Variants in PTPRD observed in about 807,000 individuals in gnomAD.
PTPRD encodes receptor-type tyrosine-protein phosphatase delta.
In PTPRD, 34 loss-of-function variants were observed where a neutral mutation model predicts 214.5. That is an observed-to-expected ratio of 0.16 (90% confidence interval 0.12 to 0.21). The LOEUF (loss-of-function observed/expected upper bound fraction) is 0.21, where lower values mean the gene tolerates loss of function less well. Ranked by LOEUF, PTPRD falls within the 10% of genes least tolerant of loss-of-function variation. The pLI is 1.00. For missense variants in PTPRD, 2,545 were observed against 2,398.7 expected, an observed-to-expected ratio of 1.06 and a Z score of -1.27; for synonymous variants, 1,128 against 845.7, an observed-to-expected ratio of 1.33 and a Z score of -5.79.
At chr9:10,090,927 C>A (rs1216393403) in intron 3 of PTPRD, among the ~76,000 whole-genome samples, 1 of 143,206 alleles carries the variant, frequency 7.0e-6, no homozygotes, top group Non-Finnish European at 1.5e-5. Flanking sequence ...TATACACACA[C>A]ACACACACAC....
chr9:9,138,052 T>C (rs886159135), intron 10 of PTPRD, among the ~76,000 whole-genome samples: 7 of 152,162 alleles, frequency 4.6e-5, no homozygotes, highest in Non-Finnish European at 7.4e-5. Flanking sequence ...AGATACTACA[T>C]AGATCTGTCT....
intron 7 of PTPRD, among the ~76,000 whole-genome samples, chr9:9,679,219 CCTCT>C (rs370470852): frequency 1.1e-3 from 160 of 150,018 alleles, no homozygotes; most frequent in African/African-American, 3.3e-3. Context: ...TTTTACTCTT[CCTCT>C]CTCTCTCTCT....
intron 5 of PTPRD, among the ~76,000 whole-genome samples, chr9:9,781,204 C>T (rs533368264): frequency 6.6e-6 from 1 of 152,212 alleles, no homozygotes; most frequent in South Asian, 2.1e-4. Flanking sequence ...AATGCAGCAA[C>T]AGTGGTTCAT....
rs997208347 is a variant in PTPRD at position 10,563,671 on chromosome 9, AT to A, written c.-600+48726del. Among the ~76,000 whole-genome samples, 138 of 107,062 alleles carry A rather than the reference AT, an allele frequency of 1.3e-3. 1 individual carries two copies. The highest frequency in any genetic ancestry group is 5.2e-3 in the African/African-American group (133 of 25,568). 70.2% of individuals were successfully genotyped at this position (107,062 alleles called of 152,430 possible). A position where few individuals can be genotyped will look rare whatever the true frequency, so the allele number is the denominator to read the frequency against. Reference sequence around the variant, plus strand: ...TTGTTGTTTTGTTGTTATCATCGTTATTTTTTTTTATCTTTTAAATTTTGGA... The same window carrying A: ...TTGTTGTTTTGTTGTTATCATCGTTATTTTTTTTATCTTTTAAATTTTGGA... On this transcript the variant is annotated intron_variant, in intron 2 of 45. Transcript: ENST00000381196.
intron 8 of PTPRD, among the ~76,000 whole-genome samples, chr9:9,558,529 C>T (rs1414627825): frequency 6.6e-6 from 1 of 152,094 alleles, no homozygotes; most frequent in African/African-American, 2.4e-5. Flanking sequence ...CAGGCTTGAC[C>T]CATAAGCCTG....
At chr9:9,845,431 C>T (rs1462096105) in intron 5 of PTPRD, among the ~76,000 whole-genome samples, 2 of 151,762 alleles carry the variant, frequency 1.3e-5, no homozygotes, top group East Asian at 1.9e-4. Context: ...ACCTAGTGAT[C>T]TACAGAGGAC....
intron 11 of PTPRD, among the ~76,000 whole-genome samples, chr9:8,946,496 G>T (rs540852958): frequency 6.6e-6 from 1 of 152,130 alleles, no homozygotes; most frequent in Non-Finnish European, 1.5e-5. Flanking sequence ...AGTGATATAT[G>T]AAAATCCCTT....
At chr9:9,913,445 A>G (rs1010703351) in intron 5 of PTPRD, among the ~76,000 whole-genome samples, 3 of 152,198 alleles carry the variant, frequency 2.0e-5, no homozygotes, top group Admixed American at 6.6e-5. Flanking sequence ...GGCTGACTAC[A>G]GATGCCTAGC....
At chr9:9,998,129 A>AAAAAAAAAAAAATATATATATAT (rs57991748) in intron 4 of PTPRD, among the ~76,000 whole-genome samples, 1 of 91,462 alleles carries the variant, frequency 1.1e-5, no homozygotes, top group African/African-American at 5.9e-5. Flanking sequence ...AAAAAAAAAA[A>AAAAAAAAAAAAATATATATATAT]ATATATATAT....
intron 2 of PTPRD, among the ~76,000 whole-genome samples, chr9:10,464,582 G>C (rs141830595): frequency 6.6e-6 from 1 of 151,710 alleles, no homozygotes; most frequent in African/African-American, 2.4e-5. Flanking sequence ...TACAGAATAA[G>C]GTACACCCCT....
rs575281002 is a variant in PTPRD, at chr9:8,750,083, C to T, written c.-103-16137G>A. Among the ~76,000 whole-genome samples, 272 of 150,888 alleles carry T rather than the reference C, an allele frequency of 1.8e-3. 1 individual carries two copies. Among genetic ancestry groups the T allele is most frequent in the African/African-American group, 6.3e-3 (256 of 40,734 alleles). On this transcript the variant is annotated intron_variant, in intron 11 of 45. Transcript: ENST00000381196. Reference sequence around the variant, plus strand: ...CGCCACTGCACTCCAGCCTGGGCAACAGCATGAGACTCTGTCTCAAAAAAA... The same window carrying T: ...CGCCACTGCACTCCAGCCTGGGCAATAGCATGAGACTCTGTCTCAAAAAAA...
intron 3 of PTPRD, among the ~76,000 whole-genome samples, chr9:10,125,603 C>T (rs368734251): frequency 2.0e-5 from 3 of 148,236 alleles, no homozygotes; most frequent in South Asian, 4.4e-4. Context: ...TACAGGCGTG[C>T]GCTACCACGC....
rs2094974175 is a variant in PTPRD, at chr9:10,279,707, A to AT, written c.-545+61255_-545+61256insA. 3.1e-5 allele frequency among the ~76,000 whole-genome samples: 4 copies of AT among 129,172 alleles called. 1 individual carries two copies. The highest frequency in any genetic ancestry group is 1.3e-4 in the African/African-American group (4 of 31,876). 84.7% of individuals were successfully genotyped at this position (129,172 alleles called of 152,430 possible). On this transcript the variant is annotated intron_variant, in intron 3 of 45. Transcript: ENST00000381196. Reference sequence around the variant, plus strand: ...AGCTTATGAGCATACAGTGCAAAACAGAAAAAAAAAAAAAAGCCTTTCCTC... The same window carrying AT: ...AGCTTATGAGCATACAGTGCAAAACATGAAAAAAAAAAAAAAGCCTTTCCTC...
chr9:8,661,698 A>T (rs564744926), intron 12 of PTPRD, among the ~76,000 whole-genome samples: 1 of 152,330 alleles, frequency 6.6e-6, no homozygotes. Context: ...GAAAAGCAAG[A>T]TAAGAATGTT....
chr9:9,952,871 G>A (rs1362476063), intron 4 of PTPRD, among the ~76,000 whole-genome samples: 2 of 151,956 alleles, frequency 1.3e-5, no homozygotes. Context: ...CACTTATCTG[G>A]CTGCTATTTC....
At chr9:9,985,330 C>T (rs944027125) in intron 4 of PTPRD, among the ~76,000 whole-genome samples, 5 of 152,116 alleles carry the variant, frequency 3.3e-5, no homozygotes, top group African/African-American at 2.4e-5. Context: ...TTTGTATTTG[C>T]AATCCTTAAT....
At chr9:9,514,145 TGACAGAAACA>T (rs1169197503) in intron 8 of PTPRD, among the ~76,000 whole-genome samples, 1 of 152,096 alleles carries the variant, frequency 6.6e-6, no homozygotes, top group Non-Finnish European at 1.5e-5. Context: ...TTTTGGTGGA[TGACAGAAACA>T]GACATGCAAT....
intron 9 of PTPRD, among the ~76,000 whole-genome samples, chr9:9,305,007 G>A (rs1419674300): frequency 1.4e-5 from 2 of 148,056 alleles, no homozygotes; most frequent in African/African-American, 5.0e-5. Context: ...TTGTCCACTA[G>A]TTCCCTTAGT....
rs1820912933 is a variant in PTPRD, at chr9:8,314,728, C to CT, written c.*3145dup. On this transcript the variant is annotated 3_prime_UTR_variant, in exon 46 of 46. Transcript: ENST00000381196. ...AAAAAAATACGTGCATTACTGCAGA[C>CT]TTTTTTCCCTTCCTGTTTCTATGTT... 2 of 231,788 alleles carry CT rather than the reference C, an allele frequency of 8.6e-6. No homozygotes were observed. Among genetic ancestry groups the CT allele is most frequent in the Non-Finnish European group, 1.7e-5 (2 of 117,226 alleles). 14.4% of individuals were successfully genotyped at this position (231,788 alleles called of 1,614,324 possible).
Sources: gnomAD v4.1 joint callset for allele counts (sites outside exome capture counted in the v4.1 genomes callset) on GRCh38, gnomAD v4.1.1 for gene constraint, MANE v1.5 for transcripts, NCBI Gene and HGNC (gene_info 2026-07-23, HGNC 2026-07-21) for gene names.